Variants in ITIH6 observed in about 807,000 individuals in gnomAD.
The protein encoded by ITIH6 is inter-alpha-trypsin inhibitor heavy chain family member 6, also known as inter-alpha-trypsin inhibitor heavy chain H6.
ITIH6 carries 60 observed loss-of-function variants against 58.2 expected under a neutral mutation model. That is an observed-to-expected ratio of 1.03 (90% CI 0.84 to 1.28). The LOEUF is 1.28. Among genes scored for constraint, ITIH6 ranks in the 50% most tolerant of loss-of-function variants. The probability of loss-of-function intolerance (pLI) is 0.00; values close to 1 mark genes in which losing one functional copy is unlikely to be tolerated. For synonymous variants in ITIH6, 493 were observed against 417.4 expected (o/e 1.18, Z -2.21); for missense variants, 1,290 against 1,021.1 (o/e 1.26, Z -3.59).
chrX:54,751,897 T>G (rs868677897), intron 11 of ITIH6, among the ~76,000 whole-genome samples: 1 of 111,759 alleles, frequency 8.9e-6, no homozygotes, highest in East Asian at 2.8e-4. Flanking sequence ...GGTATTTCCA[T>G]GCATCAGTGT....
At chrX:54,755,148 C>G (rs763439382) in intron 8 of ITIH6, 39 bp from the exon 9 acceptor site, 1 of 1,115,848 alleles carries the variant, frequency 9.0e-7, no homozygotes, top group Non-Finnish European at 1.2e-6. Context: ...CCTTCAAATT[C>G]CAGGGGCAAA....
chrX:54,762,250 G>A (rs1928663188), intron 6 of ITIH6, among the ~76,000 whole-genome samples: 1 of 111,329 alleles, frequency 9.0e-6, no homozygotes, highest in South Asian at 3.8e-4. Context: ...GTCTGTTATT[G>A]GTGTATAAGA....
intron 6 of ITIH6, among the ~76,000 whole-genome samples, chrX:54,770,319 A>G (rs1461786783): frequency 8.9e-6 from 1 of 112,469 alleles, no homozygotes. Flanking sequence ...TCAGATGGAA[A>G]TGCAGAAATC....
intron 11 of ITIH6, among the ~76,000 whole-genome samples, chrX:54,752,238 G>A (rs1475938409): frequency 8.9e-6 from 1 of 111,732 alleles, no homozygotes; most frequent in Non-Finnish European, 1.9e-5. Context: ...GTTACAACAC[G>A]GATGAACCAG....
chrX:54,771,508 G>A (rs187302363), intron 6 of ITIH6, among the ~76,000 whole-genome samples: 5 of 112,012 alleles, frequency 4.5e-5, no homozygotes, highest in African/African-American at 9.7e-5. Flanking sequence ...TCCTGTTGCA[G>A]TATTTCTGAT....
intron 4 of ITIH6, among the ~76,000 whole-genome samples, chrX:54,789,329 CT>C (rs1569544330): frequency 9.0e-6 from 1 of 111,462 alleles, no homozygotes; most frequent in Admixed American, 9.5e-5. Flanking sequence ...ACTGTGCCTC[CT>C]TTTTTTCCAG....
In ITIH6 at chrX:54,754,282, T is replaced by C. The variant is rs1355747048; in HGVS notation, c.3203-317A>G. Among the ~76,000 whole-genome samples the C allele has an allele frequency of 4.5e-5, 5 of 111,940 alleles. No homozygotes were observed. The Admixed American group carries it at 4.7e-4, about 11-fold the overall frequency. On this transcript the variant is annotated intron_variant, in intron 9 of 12. Transcript: ENST00000218436. Reference sequence around the variant, plus strand: ...CAGCCCAAATGCTCTTTTCTCTTGCTCTCTGCCTGTGGTAGGTAGAATTCT... The same window carrying C: ...CAGCCCAAATGCTCTTTTCTCTTGCCCTCTGCCTGTGGTAGGTAGAATTCT...
intron 6 of ITIH6, among the ~76,000 whole-genome samples, 182 bp from the exon 7 acceptor site, chrX:54,760,109 A>T (rs763582061): frequency 4.6e-4 from 52 of 112,317 alleles, no homozygotes; most frequent in Non-Finnish European, 7.5e-4. Context: ...AAGGCATAGA[A>T]CTGCACTGTT....
chrX:54,753,896 T>A, intron 10 of ITIH6, 34 bp downstream of exon 10: 1 of 1,194,610 alleles, frequency 8.4e-7, no homozygotes, highest in South Asian at 1.8e-5. Flanking sequence ...TGCCCTGTAC[T>A]CAAACAGGGG....
intron 11 of ITIH6, among the ~76,000 whole-genome samples, chrX:54,752,140 C>G (rs1248345085): frequency 9.0e-6 from 1 of 111,322 alleles, no homozygotes; most frequent in Non-Finnish European, 1.9e-5. Flanking sequence ...TATGAGGAGT[C>G]TTCAAAAAGT....
intron 5 of ITIH6, among the ~76,000 whole-genome samples, chrX:54,776,087 T>G (rs5961136): frequency 0.5 from 54,356 of 109,495 alleles, 10,983 homozygotes; most frequent in African/African-American, 0.77. Flanking sequence ...CCCCAGCAGC[T>G]GAGGCACGGT....
rs1928350195 is a variant in ITIH6 at position 54,751,211 on chromosome X, C to G, written c.3522G>C (p.Leu1174=). ...TCAGCAGGGCAGGTTGGTCCCAGGA[C>G]AGGCGCAAGGTACCCTCGCCTCGCA... ...ISLRGEGTLR[L]SWDQPALLKR... The change falls in exon 12 of 13, where the codon CTG becomes CTC. Residue 1174 remains leucine, a synonymous_variant. Coordinates refer to ENST00000218436, the MANE Select transcript of ITIH6 (RefSeq NM_198510.3). The G allele has an allele frequency of 5.0e-6, 6 of 1,210,378 alleles. No homozygotes were observed. Among genetic ancestry groups the G allele is most frequent in the Admixed American group, 4.4e-5 (2 of 45,871 alleles).
At chrX:54,763,554 A>G (rs191698285) in intron 6 of ITIH6, among the ~76,000 whole-genome samples, 99 of 112,511 alleles carry the variant, frequency 8.8e-4, no homozygotes, top group Middle Eastern at 4.6e-3. Context: ...TTGTTAAGGT[A>G]TGTTTTAAGG....
intron 9 of ITIH6, among the ~76,000 whole-genome samples, chrX:54,754,334 T>C (rs1928442025): frequency 8.9e-6 from 1 of 112,029 alleles, no homozygotes; most frequent in Admixed American, 9.5e-5. Flanking sequence ...TCTCTTGGTG[T>C]ACACACTCTG....
At chrX:54,767,081 T>A (rs1482415815) in intron 6 of ITIH6, among the ~76,000 whole-genome samples, 1 of 110,335 alleles carries the variant, frequency 9.1e-6, no homozygotes, top group Non-Finnish European at 1.9e-5. Flanking sequence ...GTTATTGGTC[T>A]ATTCAGAGAT....
Position 54,758,435 on chromosome X carries a change from C to A in ITIH6, c.1639G>T (p.Gly547Cys). 1 of 1,209,865 alleles carries A rather than the reference C, an allele frequency of 8.3e-7. No individual in the cohort carries two copies. The highest frequency in any genetic ancestry group is 1.1e-6 in the Non-Finnish European group (1 of 894,581). Residue 547 changes from glycine (G) to cysteine (C), a missense_variant, in exon 8 of 13, where the codon GGT becomes TGT. Physicochemically the swap from Gly to Cys is radical, Grantham distance 159 (BLOSUM62 -3). Coordinates refer to ENST00000218436, the MANE Select transcript of ITIH6 (RefSeq NM_198510.3). The part of the protein sequence containing the change: ...GATNNSQKAF[G>C]CPGEPAPNVA... ...TTGGGGGCTGGCTCCCCTGGGCAAC[C>A]AAAGGCCTTCTGGCTGTTGTTGGTG...
chrX:54,768,950 C>G (rs1760789127), intron 6 of ITIH6, among the ~76,000 whole-genome samples: 1 of 109,419 alleles, frequency 9.1e-6, no homozygotes, highest in African/African-American at 3.4e-5. Flanking sequence ...GGGAAGTTCT[C>G]CTGGATAATA....
chrX:54,756,853 G>GC (rs1928496968), intron 8 of ITIH6, 112 bp downstream of exon 8: 1 of 444,899 alleles, frequency 2.2e-6, no homozygotes, highest in African/African-American at 2.9e-5. Context: ...AGCAAGCAAG[G>GC]AAGCAGCTGT....
rs755739603 is a variant in ITIH6 at position 54,751,063 on chromosome X, G to T, written c.3670C>A (p.His1224Asn). Residue 1224 changes from histidine (H) to asparagine (N), a missense_variant, in exon 12 of 13, where the codon CAC becomes AAC. By Grantham distance (68) the His-to-Asn change is moderately conservative. Transcript: ENST00000218436. Reference protein sequence around the residue: ...YRHPSTLQLPHLGFYVANGSG... With the variant: ...YRHPSTLQLPNLGFYVANGSG... ...CCATTGGCCACGTAGAACCCCAGGT[G>T]GGGTAGTTGCAGGGTACTGGGATGC... The T allele has an allele frequency of 3.3e-6, 4 of 1,195,247 alleles. No homozygotes were observed. Among genetic ancestry groups the T allele is most frequent in the East Asian group, 3.0e-5 (1 of 33,205 alleles).
Sources: gnomAD v4.1 joint callset for allele counts (sites outside exome capture counted in the v4.1 genomes callset) on GRCh38, gnomAD v4.1.1 for gene constraint, MANE v1.5 for transcripts, NCBI Gene and HGNC (gene_info 2026-07-23, HGNC 2026-07-21) for gene names.